The following SDK1 variants were observed in gnomAD, a reference collection of about 807,000 sequenced individuals.
SDK1 encodes the protein sidekick cell adhesion molecule 1.
Under a neutral mutation model 245.5 loss-of-function variants are expected in SDK1, and 157 were observed. The ratio of observed to expected loss-of-function variants is 0.64; its 90% confidence interval spans 0.56 to 0.73. SDK1 has a LOEUF of 0.73. Among genes scored for constraint, SDK1 ranks in the 30% least tolerant of loss-of-function variants. SDK1 has a pLI of 0.00. For missense variants in SDK1, 3,583 were observed against 3,002.3 expected (o/e 1.19, Z -4.52); for synonymous variants, 1,647 against 1,278.5 (o/e 1.29, Z -6.15).
rs775371513 is a variant in SDK1 at position 4,233,282 on chromosome 7, A to G, written c.5855A>G (p.Lys1952Arg). 12 of 1,613,866 alleles carry G rather than the reference A, an allele frequency of 7.4e-6. No homozygotes were observed. In the Admixed American group the frequency reaches 8.3e-5, roughly 11 times the overall value. Residue 1952 changes from lysine (K) to arginine (R), a missense_variant, in exon 41 of 45, where the codon AAG (lysine) becomes AGG (arginine). By Grantham distance (26) the Lys-to-Arg change is conservative. Transcript: ENST00000404826. ...GAAGGCTTATGGGACATGTTTGTGA[A>G]GGACATCCCGCGGAGCGCCACATCC... is the stretch of plus-strand genomic sequence containing the variant. ...SDEGLWDMFV[K>R]DIPRSATSYT...
intron 11 of SDK1, among the ~76,000 whole-genome samples, chr7:3,970,632 C>G (rs1384676930): frequency 6.6e-6 from 1 of 152,200 alleles, no homozygotes; most frequent in Admixed American, 6.5e-5. Context: ...TTTTGTGGAT[C>G]TGCTGAGATT....
At chr7:3,664,576 C>T (rs1469827195) in intron 4 of SDK1, among the ~76,000 whole-genome samples, 2 of 152,006 alleles carry the variant, frequency 1.3e-5, no homozygotes, top group East Asian at 3.9e-4. Flanking sequence ...ATGTCTTCTA[C>T]TAAAAATACA....
In SDK1 at chr7:3,589,319, G is replaced by C. The variant is rs182895057; in HGVS notation, c.299-29761G>C. ...GCGTGGGCCTGTTGACGTCAGTACT[G>C]ATCTCCCAGTTGTCATGGGCCTTTT... On this transcript the variant is annotated intron_variant, in intron 1 of 44. Coordinates refer to ENST00000404826, the MANE Select transcript of SDK1 (RefSeq NM_152744.4). Among the ~76,000 whole-genome samples, 240 of 152,272 alleles carry C rather than the reference G, an allele frequency of 1.6e-3. 5 individuals carry two copies. The Middle Eastern group carries it at 0.024, about 15-fold the overall frequency.
At chr7:3,898,692 A>C (rs1253389239) in intron 5 of SDK1, among the ~76,000 whole-genome samples, 1 of 152,206 alleles carries the variant, frequency 6.6e-6, no homozygotes, top group Non-Finnish European at 1.5e-5. Context: ...TTGAATTACT[A>C]ACTTATTAAT....
intron 10 of SDK1, 48 bp downstream of exon 10, chr7:3,967,482 A>C (rs371499925): frequency 7.8e-6 from 9 of 1,151,028 alleles, no homozygotes; most frequent in Non-Finnish European, 1.1e-5. Context: ...GTAGAACATA[A>C]CCTATCGGGC....
intron 2 of SDK1, among the ~76,000 whole-genome samples, chr7:3,620,357 C>T (rs1306156561): frequency 6.6e-6 from 1 of 151,526 alleles, no homozygotes; most frequent in Admixed American, 6.6e-5. Flanking sequence ...GGCTGGAGTG[C>T]AGTGGCGCGA....
intron 5 of SDK1, among the ~76,000 whole-genome samples, chr7:3,842,877 A>G (rs1460201226): frequency 6.6e-6 from 1 of 152,178 alleles, no homozygotes; most frequent in East Asian, 1.9e-4. Flanking sequence ...ATTTACTATG[A>G]CATCTGTGGC....
intron 28 of SDK1, among the ~76,000 whole-genome samples, chr7:4,138,529 G>T (rs1247012175): frequency 1.3e-5 from 2 of 151,932 alleles, no homozygotes; most frequent in East Asian, 1.9e-4. Context: ...GTGGATCCAC[G>T]TGAGGTCAGG....
At chr7:4,079,718 C>T in intron 22 of SDK1, 134 bp downstream of exon 22, 4 of 1,264,970 alleles carry the variant, frequency 3.2e-6, no homozygotes, top group Non-Finnish European at 4.4e-6. Flanking sequence ...GAACCAGGGG[C>T]TGGAGATAGC....
intron 5 of SDK1, among the ~76,000 whole-genome samples, chr7:3,913,350 G>A (rs1307649498): frequency 6.8e-6 from 1 of 147,608 alleles, no homozygotes; most frequent in Non-Finnish European, 1.5e-5. Flanking sequence ...CTGGAGTGCA[G>A]TGGCACGATC....
chr7:4,195,198 T>C (rs541231383), intron 35 of SDK1, among the ~76,000 whole-genome samples: 1 of 152,354 alleles, frequency 6.6e-6, no homozygotes, highest in South Asian at 2.1e-4. Flanking sequence ...TTCTATCATA[T>C]TTTTGTGGTG....
chr7:4,268,560 C>T lies in SDK1; in HGVS notation c.*3176C>T. 7.6e-7 allele frequency: 1 copy of T among 1,308,168 alleles called. No individual in the cohort carries two copies. The highest frequency in any genetic ancestry group is 1.0e-6 in the Non-Finnish European group (1 of 988,944). The allele number at this position is 1,308,168 out of a possible 1,614,324, so 81.0% of individuals were successfully genotyped here. A position where few individuals can be genotyped will look rare whatever the true frequency, so the allele number is the denominator to read the frequency against. Reference sequence around the variant, plus strand: ...GCCTCCACAGCCCCGGGAGGTGGCTCACTCTGTACAGGTCTTCGGAGGCCG... The same window carrying T: ...GCCTCCACAGCCCCGGGAGGTGGCTTACTCTGTACAGGTCTTCGGAGGCCG... On this transcript the variant is annotated 3_prime_UTR_variant, in exon 45 of 45. Coordinates refer to ENST00000404826, the MANE Select transcript of SDK1 (RefSeq NM_152744.4).
At chr7:3,307,337 G>T (rs558229350) in intron 1 of SDK1, among the ~76,000 whole-genome samples, 1 of 152,176 alleles carries the variant, frequency 6.6e-6, no homozygotes, top group South Asian at 2.1e-4. Context: ...CCATCCTATG[G>T]TAGCAAGTAG....
chr7:4,107,073 T>C (rs1451374671), intron 22 of SDK1, among the ~76,000 whole-genome samples: 4 of 148,430 alleles, frequency 2.7e-5, no homozygotes, highest in African/African-American at 7.5e-5. Context: ...TTCCTCAGTC[T>C]TGTTTATTTC....
chr7:4,138,387 C>G (rs1354204822), intron 28 of SDK1, among the ~76,000 whole-genome samples: 1 of 152,092 alleles, frequency 6.6e-6, no homozygotes, highest in East Asian at 1.9e-4. Context: ...GCAGAAATCG[C>G]AGAATGAAAA....
intron 38 of SDK1, among the ~76,000 whole-genome samples, chr7:4,214,602 C>T (rs1025252163): frequency 8.5e-5 from 13 of 152,160 alleles, no homozygotes; most frequent in African/African-American, 3.1e-4. Flanking sequence ...GCAGAAAAAG[C>T]TCCATCAGGC....
At chr7:3,428,799 ATTT>A (rs1779748333) in intron 1 of SDK1, among the ~76,000 whole-genome samples, 3 of 152,074 alleles carry the variant, frequency 2.0e-5, no homozygotes, top group African/African-American at 7.3e-5. Context: ...AAAGACCATC[ATTT>A]TTATTTGTTT....
At chr7:3,951,111 T>C in intron 6 of SDK1, 77 bp downstream of exon 6, 2 of 1,103,034 alleles carry the variant, frequency 1.8e-6, no homozygotes, top group Non-Finnish European at 1.4e-6. Context: ...AAGGATACAC[T>C]GGAGCATGAG....
rs182501751 is a variant in SDK1, at chr7:3,603,811, C to T, written c.299-15269C>T. Reference sequence around the variant, plus strand: ...TTTTGCGCATTCAGTATGATATTGGCTGTGGGTTTGCCATAGATAGCTCTT... The same window carrying T: ...TTTTGCGCATTCAGTATGATATTGGTTGTGGGTTTGCCATAGATAGCTCTT... On this transcript the variant is annotated intron_variant, in intron 1 of 44. Coordinates refer to ENST00000404826, the MANE Select transcript of SDK1 (RefSeq NM_152744.4). 4.6e-5 allele frequency among the ~76,000 whole-genome samples: 7 copies of T among 152,264 alleles called. No homozygotes were observed. In the East Asian group the frequency reaches 1.4e-3, roughly 29 times the overall value.
Sources: gnomAD v4.1 joint callset for allele counts (sites outside exome capture counted in the v4.1 genomes callset) on GRCh38, gnomAD v4.1.1 for gene constraint, MANE v1.5 for transcripts, NCBI Gene and HGNC (gene_info 2026-07-23, HGNC 2026-07-21) for gene names.